Variants in DOCK11 observed in about 807,000 individuals in gnomAD.
The protein encoded by DOCK11 is dedicator of cytokinesis 11, also known as dedicator of cytokinesis protein 11.
Under a neutral mutation model 169.1 loss-of-function variants are expected in DOCK11, and 70 were observed. The observed-to-expected ratio is 0.41, with a 90% confidence interval of 0.34 to 0.51. DOCK11 has a LOEUF of 0.51. Among genes scored for constraint, DOCK11 ranks in the 20% least tolerant of loss-of-function variants. The pLI is 0.10. For synonymous variants in DOCK11, 529 were observed against 541.3 expected, an observed-to-expected ratio of 0.98 and a Z score of 0.32; for missense variants, 1,166 against 1,538.8, an observed-to-expected ratio of 0.76 and a Z score of 4.05.
Position 118,608,149 on chromosome X carries a change from G to A in DOCK11, c.2751+8G>A. The A allele has an allele frequency of 8.4e-7, 1 of 1,197,137 alleles. No homozygotes were observed. Among genetic ancestry groups the A allele is most frequent in the Non-Finnish European group, 1.1e-6 (1 of 889,352 alleles). On this transcript the variant is annotated splice_region_variant and intron_variant, in intron 25 of 52. Coordinates refer to ENST00000276202, the MANE Select transcript of DOCK11 (RefSeq NM_144658.4). ...CTAAGATCATTCATAAAGGTTTGTG[G>A]AGTAAAGTTTCTTTCTGAGCAATTT... is the stretch of plus-strand genomic sequence containing the variant.
intron 4 of DOCK11, among the ~76,000 whole-genome samples, 154 bp downstream of exon 4, chrX:118,543,747 G>A (rs1359221737): frequency 8.9e-6 from 1 of 112,048 alleles, no homozygotes; most frequent in Non-Finnish European, 1.9e-5. Flanking sequence ...TCAGGAGATC[G>A]AGACCATCCT....
rs766850373 is a variant in DOCK11, at chrX:118,614,664, AC to A, written c.3097-25del. Reference sequence around the variant, plus strand: ...TTAGACTTTTAGAATTATGTAATTAACCCTTAGTTTTGTTTTGGTTTCTATA... The same window carrying A: ...TTAGACTTTTAGAATTATGTAATTAACCTTAGTTTTGTTTTGGTTTCTATA... On this transcript the variant is annotated intron_variant, in intron 28 of 52. Coordinates refer to ENST00000276202, the MANE Select transcript of DOCK11 (RefSeq NM_144658.4). 2.9e-6 allele frequency: 3 copies of A among 1,019,925 alleles called. No homozygotes were observed. The Admixed American group carries it at 7.7e-5, about 26-fold the overall frequency. The allele number at this position is 1,019,925 out of a possible 1,213,427, so 84.1% of individuals were successfully genotyped here.
chrX:118,629,297 G>T (rs1357586088), intron 34 of DOCK11, among the ~76,000 whole-genome samples: 3 of 111,341 alleles, frequency 2.7e-5, no homozygotes, highest in Non-Finnish European at 5.7e-5. Flanking sequence ...GCAAATAAAG[G>T]TCAGAGAGGT....
At chrX:118,611,725 C>T (rs1209477980) in intron 28 of DOCK11, among the ~76,000 whole-genome samples, 1 of 111,881 alleles carries the variant, frequency 8.9e-6, no homozygotes, top group Non-Finnish European at 1.9e-5. Flanking sequence ...GAGAATGTAA[C>T]TGTTTTTTCT....
rs73587379 is a variant in DOCK11 at position 118,626,771 on chromosome X, A to G, written c.3589-733A>G. 9.4e-3 allele frequency among the ~76,000 whole-genome samples: 1,057 copies of G among 112,317 alleles called. 20 individuals are homozygous for G. Among genetic ancestry groups the G allele is most frequent in the African/African-American group, 0.033 (1,007 of 30,934 alleles). On this transcript the variant is annotated intron_variant, in intron 32 of 52. Coordinates refer to ENST00000276202, the MANE Select transcript of DOCK11 (RefSeq NM_144658.4). ...AGTGTCAGGCTGGTCTCACTTTACA[A>G]ATACAGTATCTCATGCTTATGCTCC...
chrX:118,646,027 GC>G (rs1303794717), intron 40 of DOCK11, among the ~76,000 whole-genome samples: 2 of 95,416 alleles, frequency 2.1e-5, no homozygotes, highest in Non-Finnish European at 4.0e-5. Flanking sequence ...TTGCGCTCCA[GC>G]TTGGGCAACA....
At chrX:118,559,229 A>T (rs1027589278) in intron 6 of DOCK11, among the ~76,000 whole-genome samples, 5 of 111,384 alleles carry the variant, frequency 4.5e-5, no homozygotes, top group African/African-American at 9.8e-5. Flanking sequence ...TGAAAAAAAA[A>T]TTTCTCAGAC....
intron 16 of DOCK11, 75 bp from the exon 17 acceptor site, chrX:118,588,062 A>AT (rs1301472130): frequency 1.0e-5 from 9 of 881,692 alleles, no homozygotes; most frequent in African/African-American, 4.1e-5. Flanking sequence ...ATTCATGTAT[A>AT]TTTTTTATAC....
intron 28 of DOCK11, among the ~76,000 whole-genome samples, chrX:118,613,617 G>GC (rs759041161): frequency 2.6e-3 from 288 of 112,700 alleles, no homozygotes; most frequent in African/African-American, 8.6e-3. Flanking sequence ...CGAAAGAATT[G>GC]CTAGGTGTGG....
At chrX:118,608,383 C>G (rs767975886) in intron 26 of DOCK11, 27 bp downstream of exon 26, 2 of 1,177,794 alleles carry the variant, frequency 1.7e-6, no homozygotes, top group Admixed American at 5.0e-5. Flanking sequence ...CAACAAGGAA[C>G]AAAAGCAGCC....
intron 29 of DOCK11, 33 bp downstream of exon 29, chrX:118,614,808 C>A: frequency 1.0e-6 from 1 of 979,214 alleles, no homozygotes; most frequent in Non-Finnish European, 1.4e-6. Context: ...TAGTGGATGT[C>A]AGACATCTGA....
intron 28 of DOCK11, among the ~76,000 whole-genome samples, chrX:118,614,476 T>C (rs1193553117): frequency 2.7e-5 from 3 of 111,786 alleles, no homozygotes; most frequent in Non-Finnish European, 3.8e-5. Flanking sequence ...TTCTGAAAAC[T>C]GTATAATTGA....
chrX:118,583,418 T>TA (rs1484934219), intron 14 of DOCK11, among the ~76,000 whole-genome samples: 1 of 110,671 alleles, frequency 9.0e-6, no homozygotes, highest in Non-Finnish European at 1.9e-5. Flanking sequence ...TTCCAGAACT[T>TA]AAAGTGTATA....
chrX:118,578,803 T>C (rs1310810036), intron 13 of DOCK11, among the ~76,000 whole-genome samples, 156 bp downstream of exon 13: 2 of 112,587 alleles, frequency 1.8e-5, no homozygotes, highest in Non-Finnish European at 3.7e-5. Flanking sequence ...TATTTTCCTA[T>C]TGTCATTGAT....
Position 118,636,960 on chromosome X carries a change from A to T in DOCK11, c.3953+548A>T, listed in dbSNP as rs759672664. Among the ~76,000 whole-genome samples, 7 of 112,163 alleles carry T rather than the reference A, an allele frequency of 6.2e-5. No homozygotes were observed. The South Asian group carries it at 2.6e-3, about 41-fold the overall frequency. On this transcript the variant is annotated intron_variant, in intron 36 of 52. Transcript: ENST00000276202. Reference sequence around the variant, plus strand: ...CATCCTGAGCTATTTTTATATGATTATTGGAAGCTAAAAGAAAAATTAGAG... The same window carrying T: ...CATCCTGAGCTATTTTTATATGATTTTTGGAAGCTAAAAGAAAAATTAGAG...
intron 32 of DOCK11, 27 bp downstream of exon 32, chrX:118,624,682 G>A: frequency 2.0e-6 from 2 of 983,050 alleles, no homozygotes; most frequent in Non-Finnish European, 2.8e-6. Flanking sequence ...TTCTGTTGGA[G>A]TTTTATCCTA....
intron 40 of DOCK11, among the ~76,000 whole-genome samples, chrX:118,646,353 CA>C (rs1162327707): frequency 9.1e-6 from 1 of 109,529 alleles, no homozygotes; most frequent in Non-Finnish European, 1.9e-5. Context: ...ACAACAACAA[CA>C]AAAAAAATCA....
intron 1 of DOCK11, among the ~76,000 whole-genome samples, chrX:118,503,734 A>G (rs2057591560): frequency 8.9e-6 from 1 of 111,821 alleles, no homozygotes; most frequent in South Asian, 3.8e-4. Context: ...TTCAGGAAGA[A>G]GAAGAGCCAG....
Position 118,564,751 on chromosome X carries a change from CCCTT to C in DOCK11, c.694-1240_694-1237del, listed in dbSNP as rs377633444. Among the ~76,000 whole-genome samples the C allele has an allele frequency of 9.9e-5, 10 of 101,511 alleles. No homozygotes were observed. In the East Asian group the frequency reaches 2.5e-3, roughly 25 times the overall value. 88.2% of individuals were successfully genotyped at this position (101,511 alleles called of 115,157 possible). A position where few individuals can be genotyped will look rare whatever the true frequency, so the allele number is the denominator to read the frequency against. On this transcript the variant is annotated intron_variant, in intron 7 of 52. Coordinates refer to ENST00000276202, the MANE Select transcript of DOCK11 (RefSeq NM_144658.4). ...TCTCTCTTTCGTTCTTTCCTTCTTTCCCTTCCTTCCTTCCTTCTTTCTTTCTTTC... is the reference window on the plus strand; with the variant it reads ...TCTCTCTTTCGTTCTTTCCTTCTTTCCCTTCCTTCCTTCTTTCTTTCTTTC...
Sources: allele counts gnomAD v4.1 joint callset (sites outside exome capture counted in the v4.1 genomes callset), GRCh38; gene constraint gnomAD v4.1.1; transcripts MANE v1.5; gene names NCBI Gene and HGNC (gene_info 2026-07-23, HGNC 2026-07-21).